Variants in STK35 observed in about 807,000 individuals in gnomAD.
The protein encoded by STK35 is serine/threonine kinase 35, also known as serine/threonine-protein kinase 35.
STK35 carries 17 observed loss-of-function variants against 37.3 expected under a neutral mutation model. The observed-to-expected ratio is 0.46, with a 90% CI of 0.31 to 0.68. STK35 has a LOEUF of 0.68. STK35 is among the 30% of genes least tolerant of loss of function. The probability of loss-of-function intolerance (pLI) is 0.05; values close to 1 mark genes in which losing one functional copy is unlikely to be tolerated. For missense variants in STK35, 595 were observed against 746.7 expected (o/e 0.80, Z 2.37); for synonymous variants, 385 against 319.1 (o/e 1.21, Z -2.20).
At chr20:2,143,603 A>G (rs540970466) in intron 3 of STK35, among the ~76,000 whole-genome samples, 181 bp from the exon 4 acceptor site, 13 of 152,294 alleles carry the variant, frequency 8.5e-5, no homozygotes, top group Non-Finnish European at 1.6e-4. Context: ...CAGTTTCCCT[A>G]TCTGAAAAAT....
At position 2,145,733 on chromosome 20, in the gene STK35, C is replaced by G. The variant is rs1986252242; in HGVS notation, c.*1987C>G. ...CGAGAGGGTGGGAACAGCAGCATCC[C>G]CTAATTGCAGTACACGGTTCCTTTT... On this transcript the variant is annotated 3_prime_UTR_variant, in exon 4 of 4. Transcript: ENST00000381482. The G allele has an allele frequency of 6.6e-6, 1 of 152,100 alleles. No individual in the cohort carries two copies. The highest frequency in any genetic ancestry group is 1.5e-5 in the Non-Finnish European group (1 of 68,044). The allele number at this position is 152,100 out of a possible 1,614,324, so 9.4% of individuals were successfully genotyped here. A position where few individuals can be genotyped will look rare whatever the true frequency, so the allele number is the denominator to read the frequency against.
In STK35 at chr20:2,144,061, C is replaced by A. The variant is rs1377646241; in HGVS notation, c.*315C>A. The A allele has an allele frequency of 2.8e-6, 1 of 354,984 alleles. No homozygotes were observed. Among genetic ancestry groups the A allele is most frequent in the Non-Finnish European group, 5.3e-6 (1 of 187,032 alleles). The allele number at this position is 354,984 out of a possible 1,614,324, so 22.0% of individuals were successfully genotyped here. On this transcript the variant is annotated 3_prime_UTR_variant, in exon 4 of 4. Coordinates refer to ENST00000381482, the MANE Select transcript of STK35 (RefSeq NM_080836.4). ...AGGCACCAATTTCTTTAAAGAAATT[C>A]AATGTGGGCAAGGCATATGTGTAAA...
chr20:2,102,945 C>T lies in STK35; in HGVS notation c.472C>T (p.Arg158Trp). The change falls in exon 2 of 4, where the codon CGG becomes TGG. Residue 158 changes from arginine to tryptophan, a missense_variant. By Grantham distance (101) the Arg-to-Trp change is moderately radical. Transcript: ENST00000381482. ...PERKRRSPVP[R>W]APSTKLRPAA... ...GCGGAAAAGGCGAAGCCCAGTGCCG[C>T]GGGCGCCCAGCACGAAGCTGAGGCC... 1.3e-6 allele frequency: 2 copies of T among 1,498,056 alleles called. No homozygotes were observed. The highest frequency in any genetic ancestry group is 1.8e-6 in the Non-Finnish European group (2 of 1,129,722). 92.8% of individuals were successfully genotyped at this position (1,498,056 alleles called of 1,614,324 possible). A position where few individuals can be genotyped will look rare whatever the true frequency, so the allele number is the denominator to read the frequency against.
At chr20:2,102,261 C>T in intron 1 of STK35, 86 bp downstream of exon 1, 1 of 1,374,066 alleles carries the variant, frequency 7.3e-7, no homozygotes, top group Non-Finnish European at 9.4e-7. Flanking sequence ...GAAATCGGGT[C>T]CTCGGCCAGT....
At chr20:2,118,016 A>T (rs1350749363) in intron 3 of STK35, among the ~76,000 whole-genome samples, 1 of 152,182 alleles carries the variant, frequency 6.6e-6, no homozygotes, top group Non-Finnish European at 1.5e-5. Context: ...CTCACTGTAG[A>T]AAATGTGCAT....
In STK35 at chr20:2,143,875, A is replaced by G. The variant is rs1986210593; in HGVS notation, c.*129A>G. 2.2e-6 allele frequency: 1 copy of G among 448,320 alleles called. No homozygotes were observed. The highest frequency in any genetic ancestry group is 4.4e-6 in the Non-Finnish European group (1 of 224,720). 27.8% of individuals were successfully genotyped at this position (448,320 alleles called of 1,614,324 possible). On this transcript the variant is annotated 3_prime_UTR_variant, in exon 4 of 4. Coordinates refer to ENST00000381482, the MANE Select transcript of STK35 (RefSeq NM_080836.4). ...GGCCTGGCCGGTTGGCGATCTCCCG[A>G]CAGCTGGATCCGGCAATGTGAAGCT...
intron 3 of STK35, among the ~76,000 whole-genome samples, chr20:2,130,163 A>G (rs1985974493): frequency 6.6e-6 from 1 of 152,064 alleles, no homozygotes; most frequent in Non-Finnish European, 1.5e-5. Flanking sequence ...GAGATACACA[A>G]ATGAGTCTTG....
chr20:2,115,466 T>A (rs1985697746), intron 2 of STK35, among the ~76,000 whole-genome samples: 2 of 152,194 alleles, frequency 1.3e-5, no homozygotes, highest in African/African-American at 4.8e-5. Flanking sequence ...AATGACCTTG[T>A]GACCACCCAG....
chr20:2,103,313 C>T lies in STK35; in HGVS notation c.840C>T (p.His280=), dbSNP rs150400972. The change falls in exon 2 of 4, where the codon CAC becomes CAT. Residue 280 remains histidine (H), a synonymous_variant. Coordinates refer to ENST00000381482, the MANE Select transcript of STK35 (RefSeq NM_080836.4). Reference sequence around the variant, plus strand: ...ATGGGTTAGCCCAGCGCATGAGTCACGGCAACAAGAGCTCGCAGCTTTACC... The same window carrying T: ...ATGGGTTAGCCCAGCGCATGAGTCATGGCAACAAGAGCTCGCAGCTTTACC... ...QRNGLAQRMS[H]GNKSSQLYLR... 297 of 1,612,764 alleles carry T rather than the reference C, an allele frequency of 1.8e-4. No homozygotes were observed. The African/African-American group carries it at 3.1e-3, about 17-fold the overall frequency.
At position 2,117,246 on chromosome 20, in the gene STK35, C is replaced by T. The variant is rs1375492426; in HGVS notation, c.1473C>T (p.Pro491=). 3 of 1,614,114 alleles carry T rather than the reference C, an allele frequency of 1.9e-6. No homozygotes were observed. Among genetic ancestry groups the T allele is most frequent in the Non-Finnish European group, 2.5e-6 (3 of 1,180,016 alleles). The change falls in exon 3 of 4, where the codon CCC becomes CCT. Residue 491 remains proline (P), a synonymous_variant. Coordinates refer to ENST00000381482, the MANE Select transcript of STK35 (RefSeq NM_080836.4). This position sits in a 1 kb window ranked among gnomAD's most constrained non-coding sequence, Gnocchi z 4.4. Reference sequence around the variant, plus strand: ...ACCCAAAGATGGAGTTGCACATCCCCCAAAAACGCAGGACTTCCATGTCTG... The same window carrying T: ...ACCCAAAGATGGAGTTGCACATCCCTCAAAAACGCAGGACTTCCATGTCTG... ...LENPKMELHI[P]QKRRTSMSEG...
At chr20:2,139,242 C>T (rs1323645969) in intron 3 of STK35, among the ~76,000 whole-genome samples, 1 of 152,162 alleles carries the variant, frequency 6.6e-6, no homozygotes, top group Non-Finnish European at 1.5e-5. Flanking sequence ...CTGCTAATGG[C>T]CTTCATGAAA....
intron 3 of STK35, among the ~76,000 whole-genome samples, chr20:2,118,169 T>A (rs1054761344): frequency 1.3e-5 from 2 of 152,190 alleles, no homozygotes; most frequent in African/African-American, 2.4e-5. Flanking sequence ...TGAGCATTCC[T>A]CCATGTCATA....
At chr20:2,113,193 A>C (rs945825825) in intron 2 of STK35, among the ~76,000 whole-genome samples, 1 of 152,182 alleles carries the variant, frequency 6.6e-6, no homozygotes, top group African/African-American at 2.4e-5. Flanking sequence ...CTTGGAAATG[A>C]CTGCAGGTCT....
At chr20:2,125,632 G>A (rs902967195) in intron 3 of STK35, among the ~76,000 whole-genome samples, 4 of 152,228 alleles carry the variant, frequency 2.6e-5, no homozygotes, top group African/African-American at 4.8e-5. Flanking sequence ...TCTGACACTG[G>A]TTTCAGCACA....
chr20:2,118,900 G>A (rs1985768044), intron 3 of STK35, among the ~76,000 whole-genome samples: 1 of 152,212 alleles, frequency 6.6e-6, no homozygotes, highest in Admixed American at 6.5e-5. Context: ...ATCTAGGTGT[G>A]TAGTAGGCTA....
intron 3 of STK35, among the ~76,000 whole-genome samples, chr20:2,127,647 C>A (rs771410188): frequency 2.0e-5 from 3 of 152,158 alleles, no homozygotes; most frequent in African/African-American, 4.8e-5. Context: ...TCCAGAGGTC[C>A]TCCTCCCTTT....
Position 2,102,922 on chromosome 20 carries a change from G to A in STK35, c.449G>A (p.Arg150Gln). 5 of 1,550,214 alleles carry A rather than the reference G, an allele frequency of 3.2e-6. No homozygotes were observed. Among genetic ancestry groups the A allele is most frequent in the African/African-American group, 1.4e-5 (1 of 71,306 alleles). ...CGCAGAGGTACACAAAGCCCGGAGC[G>A]GAAAAGGCGAAGCCCAGTGCCGCGG... is the stretch of plus-strand genomic sequence containing the variant. ...GARRGTQSPE[R>Q]KRRSPVPRAP... The change falls in exon 2 of 4, where the codon CGG becomes CAG. Residue 150 changes from arginine to glutamine, a missense_variant. By Grantham distance (43) the Arg-to-Gln change is conservative. This residue lies in a region of STK35 where 389 missense variants were observed against 320.0 expected (regional missense o/e 1.22). Coordinates refer to ENST00000381482, the MANE Select transcript of STK35 (RefSeq NM_080836.4).
chr20:2,122,111 ATTGT>A lies in STK35; in HGVS notation c.*37+4700_*37+4703del, dbSNP rs1427878560. Among the ~76,000 whole-genome samples, 7 of 152,340 alleles carry A rather than the reference ATTGT, an allele frequency of 4.6e-5. No homozygotes were observed. The East Asian group carries it at 1.2e-3, about 25-fold the overall frequency. ...ACTTTGGGAAGCCAAGTAGGGGCAG[ATTGT>A]TTGAGCTCACGAGTTTGAGACCAGC... is the stretch of plus-strand genomic sequence containing the variant. On this transcript the variant is annotated intron_variant, in intron 3 of 3. Coordinates refer to ENST00000381482, the MANE Select transcript of STK35 (RefSeq NM_080836.4).
At chr20:2,135,494 T>G (rs994537149) in intron 3 of STK35, among the ~76,000 whole-genome samples, 1 of 152,344 alleles carries the variant, frequency 6.6e-6, no homozygotes, top group Non-Finnish European at 1.5e-5. Flanking sequence ...CCTGGACCAC[T>G]TGTTAGCTAA....
Sources: gnomAD v4.1 joint callset for allele counts (sites outside exome capture counted in the v4.1 genomes callset) on GRCh38, gnomAD v4.1.1 for gene constraint, gnomAD v4.1.1 regional missense constraint, Gnocchi (gnomAD v3.1) non-coding constraint, MANE v1.5 for transcripts, NCBI Gene and HGNC (gene_info 2026-07-23, HGNC 2026-07-21) for gene names.